The following RTF2 variants were observed in gnomAD, a reference collection of about 807,000 sequenced individuals.
RTF2 encodes the protein replication termination factor 2, also known as UPF0549 protein C20orf43.
Under a neutral mutation model 38.0 loss-of-function variants are expected in RTF2, and 18 were observed. That is an observed-to-expected ratio of 0.47 (90% confidence interval 0.33 to 0.70). The LOEUF (loss-of-function observed/expected upper bound fraction) is 0.70. Among genes scored for constraint, RTF2 ranks in the 30% least tolerant of loss-of-function variants. RTF2 has a pLI of 0.02. For missense variants in RTF2, 311 were observed against 379.6 expected, an observed-to-expected ratio of 0.82 and a Z score of 1.50; for synonymous variants, 126 against 137.1, an observed-to-expected ratio of 0.92 and a Z score of 0.57.
intron 5 of RTF2, among the ~76,000 whole-genome samples, chr20:56,494,578 A>C (rs567487904): frequency 6.6e-6 from 1 of 152,304 alleles, no homozygotes; most frequent in South Asian, 2.1e-4. Flanking sequence ...TACCATGTGA[A>C]TGGATCCCTA....
chr20:56,494,179 G>A (rs572251464), intron 5 of RTF2, among the ~76,000 whole-genome samples: 45 of 152,216 alleles, frequency 3.0e-4, no homozygotes, highest in Non-Finnish European at 5.0e-4. Flanking sequence ...GCTGGCCATG[G>A]ATGGCCACGC....
At chr20:56,490,872 G>C (rs1455414918) in intron 5 of RTF2, among the ~76,000 whole-genome samples, 1 of 152,176 alleles carries the variant, frequency 6.6e-6, no homozygotes, top group African/African-American at 2.4e-5. Context: ...TAAAAATAAA[G>C]ATTCACTTTT....
At chr20:56,508,988 G>C (rs899292005) in intron 5 of RTF2, among the ~76,000 whole-genome samples, 2 of 152,094 alleles carry the variant, frequency 1.3e-5, no homozygotes, top group Admixed American at 6.5e-5. Context: ...CACCAAAAAC[G>C]TAGCAGTAAG....
At chr20:56,469,460 T>C (rs1031737316) in intron 1 of RTF2, among the ~76,000 whole-genome samples, 1 of 152,228 alleles carries the variant, frequency 6.6e-6, no homozygotes, top group African/African-American at 2.4e-5. Context: ...AGTCCAGGGA[T>C]ATTAAGGTGA....
chr20:56,485,479 C>G (rs1006338891), intron 5 of RTF2, among the ~76,000 whole-genome samples: 1 of 152,144 alleles, frequency 6.6e-6, no homozygotes, highest in African/African-American at 2.4e-5. Flanking sequence ...CAGAAGGCAG[C>G]TGTAAGCCGG....
chr20:56,515,079 A>G (rs552353437), intron 6 of RTF2, among the ~76,000 whole-genome samples: 52 of 151,840 alleles, frequency 3.4e-4, no homozygotes, highest in African/African-American at 1.1e-3. Flanking sequence ...TGCTGTGTTC[A>G]GGTTGAAAAG....
chr20:56,513,236 G>A (rs1456137681), intron 5 of RTF2, 79 bp from the exon 6 acceptor site: 1 of 1,529,756 alleles, frequency 6.5e-7, no homozygotes, highest in Admixed American at 2.0e-5. Flanking sequence ...CACTGCTTGG[G>A]GCTGAGAGTG....
chr20:56,491,505 CTT>C (rs1168269849), intron 5 of RTF2: 3 of 1,137,088 alleles, frequency 2.6e-6, no homozygotes, highest in African/African-American at 1.5e-5. Flanking sequence ...TCAATGTTCT[CTT>C]GTTTCAAGTC....
At chr20:56,491,976 G>A (rs755080759) in intron 5 of RTF2, among the ~76,000 whole-genome samples, 4 of 152,058 alleles carry the variant, frequency 2.6e-5, no homozygotes, top group African/African-American at 4.8e-5. Context: ...GTGGAAAGGC[G>A]CACTTTCATT....
intron 5 of RTF2, among the ~76,000 whole-genome samples, chr20:56,488,991 C>G (rs902263161): frequency 6.6e-6 from 1 of 152,208 alleles, no homozygotes; most frequent in Admixed American, 6.5e-5. Flanking sequence ...GAAGCCCAGT[C>G]TCAGGCTTTT....
At chr20:56,501,816 C>T (rs1197746272) in intron 5 of RTF2, among the ~76,000 whole-genome samples, 2 of 152,108 alleles carry the variant, frequency 1.3e-5, no homozygotes, top group Admixed American at 6.5e-5. Flanking sequence ...TGTAGTGAGC[C>T]GTGATCATGC....
chr20:56,479,142 G>A (rs1021712057), intron 4 of RTF2, among the ~76,000 whole-genome samples: 5 of 152,120 alleles, frequency 3.3e-5, no homozygotes, highest in Non-Finnish European at 7.4e-5. Context: ...GTCCATGAGG[G>A]GTGGAATCAG....
chr20:56,470,085 G>A (rs935996097), intron 1 of RTF2, among the ~76,000 whole-genome samples: 9 of 152,162 alleles, frequency 5.9e-5, no homozygotes, highest in African/African-American at 2.2e-4. Context: ...CCATGTGTCA[G>A]CCACATAATA....
rs1482368411 is a variant in RTF2 at position 56,519,327 on chromosome 20, T to C, written c.*1062T>C. 1.3e-5 allele frequency: 2 copies of C among 152,226 alleles called. No homozygotes were observed. The highest frequency in any genetic ancestry group is 6.5e-5 in the Admixed American group (1 of 15,282). 9.4% of individuals were successfully genotyped at this position (152,226 alleles called of 1,614,324 possible). On this transcript the variant is annotated 3_prime_UTR_variant, in exon 9 of 9. Coordinates refer to ENST00000357348, the MANE Select transcript of RTF2 (RefSeq NM_016407.5). ...GGGAGAGGCCAGCAAGGGAGAACCA[T>C]GTGTGGCCCTGCTTTTTCTCAAACC... is the stretch of plus-strand genomic sequence containing the variant.
chr20:56,479,864 A>C (rs556695440), intron 4 of RTF2, among the ~76,000 whole-genome samples: 3 of 150,544 alleles, frequency 2.0e-5, no homozygotes, highest in Non-Finnish European at 4.4e-5. Context: ...GCTGGGCTTA[A>C]AATATTCCGT....
chr20:56,504,383 G>A (rs1333662744), intron 5 of RTF2: 2 of 152,228 alleles, frequency 1.3e-5, no homozygotes, highest in East Asian at 1.9e-4. Context: ...GGATGAAATC[G>A]TGGCATTCAT....
intron 5 of RTF2, among the ~76,000 whole-genome samples, chr20:56,496,322 C>T (rs541590582): frequency 1.8e-4 from 27 of 152,212 alleles, no homozygotes; most frequent in Non-Finnish European, 4.0e-4. Flanking sequence ...CCGAGGCAGG[C>T]GGATCACCTG....
intron 3 of RTF2, among the ~76,000 whole-genome samples, chr20:56,476,765 C>T (rs1234056277): frequency 1.3e-5 from 2 of 152,144 alleles, no homozygotes; most frequent in Admixed American, 1.3e-4. Flanking sequence ...TCCCAAAGTG[C>T]TGGGATTACA....
rs1256588880 is a variant in RTF2, at chr20:56,484,093, A to T, written c.399-18A>T. ...ATGTGATTAATACAGTCCTTCCCCC[A>T]CTGGGTTATTTCTCCAGGTTCTGCT... On this transcript the variant is annotated intron_variant, in intron 4 of 8. Coordinates refer to ENST00000357348, the MANE Select transcript of RTF2 (RefSeq NM_016407.5). 6 of 1,611,176 alleles carry T rather than the reference A, an allele frequency of 3.7e-6. No individual in the cohort carries two copies. In the African/African-American group the frequency reaches 6.7e-5, roughly 18 times the overall value.
Sources: allele counts gnomAD v4.1 joint callset (sites outside exome capture counted in the v4.1 genomes callset), GRCh38; gene constraint gnomAD v4.1.1; transcripts MANE v1.5; gene names NCBI Gene and HGNC (gene_info 2026-07-23, HGNC 2026-07-21).